The following CCDC57 variants were observed in gnomAD, a reference collection of about 807,000 sequenced individuals.
The protein encoded by CCDC57 is coiled-coil domain containing 57, also known as coiled-coil domain-containing protein 57.
In CCDC57, 118 loss-of-function variants were observed where a neutral mutation model predicts 118.9. The ratio of observed to expected loss-of-function variants is 0.99; its 90% CI spans 0.86 to 1.16. The LOEUF is 1.16. Among genes scored for constraint, CCDC57 ranks in the 50% most tolerant of loss-of-function variants. The pLI is 0.00. For missense variants in CCDC57, 1,300 were observed against 1,320.7 expected, an observed-to-expected ratio of 0.98 and a Z score of 0.24; for synonymous variants, 527 against 532.9, an observed-to-expected ratio of 0.99 and a Z score of 0.15.
chr17:82,210,120 A>G (rs1040612022), intron 1 of CCDC57, among the ~76,000 whole-genome samples: 1 of 152,042 alleles, frequency 6.6e-6, no homozygotes, highest in African/African-American at 2.4e-5. Flanking sequence ...GGGGCTCCTA[A>G]CACCTCAATC....
intron 2 of CCDC57, among the ~76,000 whole-genome samples, chr17:82,202,408 C>T (rs2049107060): frequency 6.6e-6 from 1 of 151,366 alleles, no homozygotes; most frequent in African/African-American, 2.4e-5. Flanking sequence ...GTAGAGGTTG[C>T]ACACCAGCCT....
chr17:82,200,338 T>C (rs1329017984), intron 3 of CCDC57, among the ~76,000 whole-genome samples: 1 of 152,198 alleles, frequency 6.6e-6, no homozygotes, highest in African/African-American at 2.4e-5. Flanking sequence ...TTCGGAGCAG[T>C]GTGCGCAGGT....
intron 16 of CCDC57, among the ~76,000 whole-genome samples, chr17:82,142,202 AG>A (rs1465241396): frequency 2.0e-5 from 3 of 152,242 alleles, no homozygotes; most frequent in Non-Finnish European, 4.4e-5. Context: ...TAGTTAAATA[AG>A]TATTGCTGGA....
At position 82,172,655 on chromosome 17, in the gene CCDC57, C is replaced by T. The variant is rs2044895357; in HGVS notation, c.1712G>A (p.Gly571Glu). The change falls in exon 12 of 20, where the codon GGA becomes GAA. Residue 571 changes from glycine (G) to glutamate (E), a missense_variant. Coordinates refer to ENST00000665763, the Ensembl canonical transcript of CCDC57. This position sits in a 1 kb window ranked among gnomAD's most constrained non-coding sequence, Gnocchi z 5.2. ...TTACTCACCAGGAGTGGCGGCATCT[C>T]CCCCAGCCTCTGGGTCAGGCTGGTT... 6.4e-7 allele frequency: 1 copy of T among 1,550,776 alleles called. No individual in the cohort carries two copies. The highest frequency in any genetic ancestry group is 1.4e-5 in the African/African-American group (1 of 73,068).
chr17:82,109,992 T>A (rs1387268084), intron 19 of CCDC57, among the ~76,000 whole-genome samples: 3 of 151,322 alleles, frequency 2.0e-5, no homozygotes, highest in African/African-American at 7.3e-5. Flanking sequence ...CTGTTTTTTT[T>A]TTTTTTGAGA....
intron 7 of CCDC57, among the ~76,000 whole-genome samples, chr17:82,189,685 A>T (rs1416966703): frequency 2.0e-5 from 3 of 152,094 alleles, no homozygotes; most frequent in Non-Finnish European, 2.9e-5. Context: ...CCCAGTCTCC[A>T]CTAAAAAAAA....
intron 9 of CCDC57, among the ~76,000 whole-genome samples, chr17:82,182,439 C>T (rs1242941829): frequency 4.6e-5 from 7 of 151,880 alleles, no homozygotes; most frequent in African/African-American, 1.7e-4. Context: ...CTGCAGCCTC[C>T]GCCTCCTGGG....
chr17:82,146,493 C>T (rs933467888), intron 16 of CCDC57, among the ~76,000 whole-genome samples: 4 of 152,160 alleles, frequency 2.6e-5, no homozygotes, highest in African/African-American at 7.2e-5. Flanking sequence ...AATCCTCCCA[C>T]CTCAGTCTCC....
At chr17:82,195,269 C>A (rs765431730) in exon 5 of CCDC57, 2 of 1,591,562 alleles carry the variant, frequency 1.3e-6, no homozygotes, top group Admixed American at 1.8e-5. Flanking sequence ...TTACCTTAAG[C>A]TCCCGGGACA....
chr17:82,168,935 A>AC (rs2044331262), intron 13 of CCDC57, among the ~76,000 whole-genome samples: 1 of 152,050 alleles, frequency 6.6e-6, no homozygotes, highest in Admixed American at 6.6e-5. Context: ...TCCCTCCACT[A>AC]CCCCCACCAC....
chr17:82,146,946 G>A (rs1034580720), intron 16 of CCDC57, among the ~76,000 whole-genome samples: 6 of 152,188 alleles, frequency 3.9e-5, no homozygotes, highest in Non-Finnish European at 7.4e-5. Context: ...GTCTCGTCTC[G>A]GGAAGTGCTA....
At position 82,159,674 on chromosome 17, in the gene CCDC57, C is replaced by CT. The variant is rs67809116; in HGVS notation, c.2041-1727dup. 9.2e-4 allele frequency among the ~76,000 whole-genome samples: 131 copies of CT among 142,430 alleles called. 1 individual carries two copies. The highest frequency in any genetic ancestry group is 1.7e-3 in the African/African-American group (65 of 38,578). 93.4% of individuals were successfully genotyped at this position (142,430 alleles called of 152,430 possible). A position where few individuals can be genotyped will look rare whatever the true frequency, so the allele number is the denominator to read the frequency against. ...ATATACAATTTATATTTGTCATTTTCTTTTTTTTTTTTTTTGAGACGGAGT... is the reference window on the plus strand; with the variant it reads ...ATATACAATTTATATTTGTCATTTTCTTTTTTTTTTTTTTTTGAGACGGAGT... On this transcript the variant is annotated intron_variant, in intron 14 of 19. Coordinates refer to ENST00000665763, the Ensembl canonical transcript of CCDC57.
At chr17:82,105,500 G>A (rs992118907) in intron 19 of CCDC57, among the ~76,000 whole-genome samples, 1 of 152,086 alleles carries the variant, frequency 6.6e-6, no homozygotes, top group South Asian at 2.1e-4. Context: ...CAGAAGCTGC[G>A]TGCACCTTTC....
At chr17:82,137,375 C>T (rs1329404105) in intron 16 of CCDC57, among the ~76,000 whole-genome samples, 1 of 152,188 alleles carries the variant, frequency 6.6e-6, no homozygotes, top group Non-Finnish European at 1.5e-5. Flanking sequence ...TTATTCTTTA[C>T]TTTCTATGTA....
intron 8 of CCDC57, 128 bp downstream of exon 7, chr17:82,188,081 AAGTGACTGAG>A: frequency 1.6e-6 from 1 of 637,012 alleles, no homozygotes; most frequent in Non-Finnish European, 2.5e-6. Context: ...TGGTTAAGAA[AAGTGACTGAG>A]AGCTACAGAA....
intron 16 of CCDC57, among the ~76,000 whole-genome samples, chr17:82,138,743 C>T (rs925765291): frequency 6.6e-6 from 1 of 152,054 alleles, no homozygotes; most frequent in Non-Finnish European, 1.5e-5. Context: ...GTAACTTGTT[C>T]GTCTGAGGCA....
At chr17:82,152,819 G>A (rs2042219827) in intron 15 of CCDC57, among the ~76,000 whole-genome samples, 1 of 152,256 alleles carries the variant, frequency 6.6e-6, no homozygotes, top group Admixed American at 6.5e-5. Context: ...AGGTGCTGCT[G>A]TTCTTTGGAT....
At chr17:82,168,513 G>A (rs962581653) in intron 13 of CCDC57, among the ~76,000 whole-genome samples, 1 of 152,136 alleles carries the variant, frequency 6.6e-6, no homozygotes, top group Non-Finnish European at 1.5e-5. Context: ...CATGAGAATC[G>A]CTCGAACCCA....
intron 2 of CCDC57, among the ~76,000 whole-genome samples, chr17:82,204,108 C>T (rs2049309752): frequency 6.6e-6 from 1 of 152,154 alleles, no homozygotes; most frequent in Non-Finnish European, 1.5e-5. Flanking sequence ...GACGGCGCTT[C>T]TCTGACGAGG....
Sources: allele counts gnomAD v4.1 joint callset (sites outside exome capture counted in the v4.1 genomes callset), GRCh38; gene constraint gnomAD v4.1.1; non-coding constraint Gnocchi (gnomAD v3.1); transcripts MANE v1.5; gene names NCBI Gene and HGNC (gene_info 2026-07-23, HGNC 2026-07-21).